SYN3: variants seen among roughly 807,000 people sequenced by gnomAD.
The protein encoded by SYN3 is synapsin III.
A neutral mutation model predicts 65.8 loss-of-function variants in SYN3; 35 were observed. The ratio of observed to expected loss-of-function variants is 0.53; its 90% confidence interval spans 0.41 to 0.70. The LOEUF (loss-of-function observed/expected upper bound fraction) is 0.70, where lower values mean the gene tolerates loss of function less well. SYN3 is among the 30% of genes least tolerant of loss of function. The probability of loss-of-function intolerance (pLI) is 0.00; values close to 1 mark genes in which losing one functional copy is unlikely to be tolerated. For missense variants in SYN3, 680 were observed against 749.0 expected (o/e 0.91, Z 1.08); for synonymous variants, 270 against 292.9 (o/e 0.92, Z 0.80).
rs112634999 is a variant in SYN3, at chr22:33,047,522, A to G, written c.-163+10770T>C. On this transcript the variant is annotated intron_variant, in intron 1 of 13. Coordinates refer to ENST00000358763, the MANE Select transcript of SYN3 (RefSeq NM_003490.4). The stretch of plus-strand genomic sequence containing the variant: ...TGCTTTCAAAAAATGTGTTAAGTTC[A>G]ACATCTCCCTTCTAAGTGCAGCTTT... Among the ~76,000 whole-genome samples the G allele has an allele frequency of 6.1e-4, 93 of 152,240 alleles. 1 individual carries two copies. In the Middle Eastern group the frequency reaches 0.014, roughly 22 times the overall value.
intron 4 of SYN3, among the ~76,000 whole-genome samples, chr22:32,879,089 ACTTTGAAAACAGT>A (rs946472000): frequency 1.3e-5 from 2 of 152,072 alleles, no homozygotes; most frequent in African/African-American, 4.8e-5. Context: ...ACACACACAC[ACTTTGAAAACAGT>A]CTTTGAAAAC....
At chr22:32,580,329 GT>G (rs200571539) in intron 7 of SYN3, among the ~76,000 whole-genome samples, 3,466 of 152,318 alleles carry the variant, frequency 0.023, 56 homozygotes, top group Non-Finnish European at 0.033. Flanking sequence ...GTTACTTGCA[GT>G]CAACCATGGC....
intron 3 of SYN3, among the ~76,000 whole-genome samples, chr22:32,976,046 C>T (rs113559478): frequency 0.011 from 1,655 of 152,248 alleles, 16 homozygotes; most frequent in Middle Eastern, 0.037. Flanking sequence ...AATATAAATA[C>T]GGGGTCTGAA....
chr22:32,791,517 G>A (rs2046322807), intron 6 of SYN3, among the ~76,000 whole-genome samples: 1 of 151,786 alleles, frequency 6.6e-6, no homozygotes, highest in Non-Finnish European at 1.5e-5. Flanking sequence ...GCGGGTACAG[G>A]CATTCTGGGA....
chr22:32,593,006 T>G lies in SYN3; in HGVS notation c.774+3668A>C, dbSNP rs557170463. Among the ~76,000 whole-genome samples the G allele has an allele frequency of 2.0e-5, 3 of 152,302 alleles. No individual in the cohort carries two copies. In the South Asian group the frequency reaches 6.2e-4, roughly 32 times the overall value. On this transcript the variant is annotated intron_variant, in intron 7 of 13. Coordinates refer to ENST00000358763, the MANE Select transcript of SYN3 (RefSeq NM_003490.4). ...CTCATTGACAGCCTCCTTACCAGCT[T>G]TCTTCTAGGAACGTTCTCTTTGCTT...
intron 6 of SYN3, among the ~76,000 whole-genome samples, chr22:32,842,423 A>T (rs2047936380): frequency 6.6e-6 from 1 of 152,160 alleles, no homozygotes; most frequent in Non-Finnish European, 1.5e-5. Flanking sequence ...CCAGAGAGGC[A>T]GCAGATATCT....
intron 3 of SYN3, among the ~76,000 whole-genome samples, chr22:32,977,415 T>C (rs1168583777): frequency 6.6e-6 from 1 of 152,138 alleles, no homozygotes; most frequent in African/African-American, 2.4e-5. Flanking sequence ...CAACCAAGTA[T>C]CTACCAGATG....
intron 6 of SYN3, among the ~76,000 whole-genome samples, chr22:32,663,631 C>A (rs1474154791): frequency 6.6e-6 from 1 of 152,108 alleles, no homozygotes; most frequent in Non-Finnish European, 1.5e-5. Flanking sequence ...TACCCAGTCT[C>A]GGGTATGTCT....
intron 3 of SYN3, chr22:32,947,405 A>G (rs932550118): frequency 6.6e-6 from 1 of 152,226 alleles, no homozygotes; most frequent in Non-Finnish European, 1.5e-5. Flanking sequence ...GTATTCAAAA[A>G]TACTTATCAC....
chr22:32,955,997 T>C (rs2051441717), intron 3 of SYN3, among the ~76,000 whole-genome samples: 1 of 150,428 alleles, frequency 6.6e-6, no homozygotes, highest in South Asian at 2.1e-4. Context: ...TGGCCTATTG[T>C]GTGAACTTGT....
chr22:32,599,257 C>A (rs180799934), intron 6 of SYN3, among the ~76,000 whole-genome samples: 79 of 151,264 alleles, frequency 5.2e-4, no homozygotes, highest in African/African-American at 1.8e-3. Flanking sequence ...CCTTAAAGAG[C>A]AATATTACAG....
At chr22:32,852,880 T>A (rs2048262232) in intron 6 of SYN3, among the ~76,000 whole-genome samples, 1 of 152,152 alleles carries the variant, frequency 6.6e-6, no homozygotes, top group South Asian at 2.1e-4. Flanking sequence ...TTATCTCCCA[T>A]CAGGACCATG....
intron 2 of SYN3, among the ~76,000 whole-genome samples, chr22:32,991,106 C>T (rs1197866300): frequency 2.0e-5 from 3 of 151,990 alleles, no homozygotes; most frequent in Admixed American, 2.0e-4. Context: ...TTGCTTGAAC[C>T]CAGGAGGCAG....
intron 6 of SYN3, among the ~76,000 whole-genome samples, chr22:32,648,591 C>G (rs2060017372): frequency 6.6e-6 from 1 of 152,182 alleles, no homozygotes; most frequent in African/African-American, 2.4e-5. Flanking sequence ...TTAGAAATAT[C>G]TGCATTTGAG....
chr22:32,684,743 G>A (rs2060568231), intron 6 of SYN3, among the ~76,000 whole-genome samples: 1 of 152,080 alleles, frequency 6.6e-6, no homozygotes, highest in African/African-American at 2.4e-5. Flanking sequence ...CATGAAAAGG[G>A]GCTCATAATG....
At chr22:32,603,537 G>GAA (rs1259399396) in intron 6 of SYN3, among the ~76,000 whole-genome samples, 34,057 of 124,522 alleles carry the variant, frequency 0.27, 5,239 homozygotes, top group African/African-American at 0.45. Flanking sequence ...CAAAAAAAAA[G>GAA]AAAAAAAAAA....
At chr22:32,967,608 T>C (rs1156409636) in intron 3 of SYN3, among the ~76,000 whole-genome samples, 3 of 152,240 alleles carry the variant, frequency 2.0e-5, no homozygotes, top group Admixed American at 6.5e-5. Context: ...ATTTTTGCAG[T>C]GAAGTCATCC....
intron 6 of SYN3, chr22:32,858,267 G>A (rs2048432885): frequency 7.4e-7 from 1 of 1,346,776 alleles, no homozygotes; most frequent in Non-Finnish European, 1.0e-6. Flanking sequence ...CCAGGGCAGA[G>A]GGGCAGGTCT....
At chr22:33,042,653 C>A (rs1042038259) in intron 1 of SYN3, among the ~76,000 whole-genome samples, 13 of 152,194 alleles carry the variant, frequency 8.5e-5, no homozygotes, top group Non-Finnish European at 1.3e-4. Flanking sequence ...CTCCTGTCCC[C>A]AGCATGCTGC....
Sources: gnomAD v4.1 joint callset for allele counts (sites outside exome capture counted in the v4.1 genomes callset) on GRCh38, gnomAD v4.1.1 for gene constraint, MANE v1.5 for transcripts, NCBI Gene and HGNC (gene_info 2026-07-23, HGNC 2026-07-21) for gene names.